Variants in KIAA0753 observed in about 807,000 individuals in gnomAD.
KIAA0753 encodes the protein KIAA0753.
In KIAA0753, 114 loss-of-function variants were observed where a neutral mutation model predicts 116.9. The observed-to-expected ratio is 0.98, with a 90% CI of 0.84 to 1.14. KIAA0753 has a LOEUF of 1.14. Ranked by LOEUF, KIAA0753 falls within the 50% of genes most tolerant of loss-of-function variation. The pLI, the probability that KIAA0753 is intolerant of heterozygous loss-of-function variation, is 0.00. For missense variants in KIAA0753, 1,156 were observed against 1,172.4 expected (o/e 0.99, Z 0.20); for synonymous variants, 405 against 413.1 (o/e 0.98, Z 0.24).
At chr17:6,596,807 C>T (rs180759151) in intron 14 of KIAA0753, among the ~76,000 whole-genome samples, 11 of 152,324 alleles carry the variant, frequency 7.2e-5, no homozygotes, top group Non-Finnish European at 1.3e-4. Context: ...TACCTATCAT[C>T]TGGGAGAGCT....
At chr17:6,596,896 T>C (rs1969525127) in intron 14 of KIAA0753, among the ~76,000 whole-genome samples, 1 of 152,254 alleles carries the variant, frequency 6.6e-6, no homozygotes, top group Admixed American at 6.5e-5. Context: ...ACATGCTCTG[T>C]ATTTCTCTTG....
intron 2 of KIAA0753, among the ~76,000 whole-genome samples, chr17:6,631,480 T>C (rs1362498165): frequency 6.6e-6 from 1 of 152,136 alleles, no homozygotes; most frequent in Non-Finnish European, 1.5e-5. Flanking sequence ...TGGAAATATG[T>C]AGTGTTGGAT....
chr17:6,624,536 C>CACACACACA (rs1971530883), intron 4 of KIAA0753, among the ~76,000 whole-genome samples: 2 of 143,910 alleles, frequency 1.4e-5, no homozygotes, highest in African/African-American at 2.6e-5. Context: ...GAGTTTGGCG[C>CACACACACA]CACACACACA....
chr17:6,593,678 A>C (rs1459993795), intron 16 of KIAA0753, among the ~76,000 whole-genome samples: 1 of 152,270 alleles, frequency 6.6e-6, no homozygotes, highest in African/African-American at 2.4e-5. Context: ...ACCTGAAGGC[A>C]ACATGGCGAA....
intron 2 of KIAA0753, among the ~76,000 whole-genome samples, chr17:6,633,481 T>C (rs1333023044): frequency 6.6e-6 from 1 of 152,148 alleles, no homozygotes; most frequent in African/African-American, 2.4e-5. Context: ...GGTCCAATGG[T>C]TTGTTATAAA....
chr17:6,626,552 C>T (rs1317979823), intron 3 of KIAA0753, among the ~76,000 whole-genome samples: 1 of 151,980 alleles, frequency 6.6e-6, no homozygotes, highest in East Asian at 1.9e-4. Flanking sequence ...TGAAGGCTCA[C>T]TGCAGATGAT....
intron 18 of KIAA0753, among the ~76,000 whole-genome samples, chr17:6,586,119 A>G (rs1968558062): frequency 6.6e-6 from 1 of 151,928 alleles, no homozygotes; most frequent in Admixed American, 6.6e-5. Flanking sequence ...AGTGTGTGGC[A>G]TTCTCCCCCA....
intron 14 of KIAA0753, 131 bp from the exon 15 acceptor site, chr17:6,596,474 G>A: frequency 6.0e-6 from 4 of 671,750 alleles, no homozygotes; most frequent in Non-Finnish European, 9.9e-6. Flanking sequence ...GATCCAAATG[G>A]CAGAGTTTCT....
intron 3 of KIAA0753, among the ~76,000 whole-genome samples, chr17:6,627,224 C>T (rs1971725943): frequency 6.6e-6 from 1 of 152,178 alleles, no homozygotes; most frequent in Non-Finnish European, 1.5e-5. Context: ...AAATCTGTGA[C>T]TCATCCCTAG....
chr17:6,613,904 T>C lies in KIAA0753; in HGVS notation c.1316-1756A>G, dbSNP rs113279839. On this transcript the variant is annotated intron_variant, in intron 7 of 18. Transcript: ENST00000361413. ...ACAACTTCCATTTGACAAAAAGATA[T>C]CCTTAAAGTCAATAGACAAGCCAAA... is the stretch of plus-strand genomic sequence containing the variant. Among the ~76,000 whole-genome samples, 23 of 152,270 alleles carry C rather than the reference T, an allele frequency of 1.5e-4. 1 individual carries two copies. Among genetic ancestry groups the C allele is most frequent in the African/African-American group, 5.5e-4 (23 of 41,562 alleles).
intron 2 of KIAA0753, among the ~76,000 whole-genome samples, chr17:6,629,110 T>C (rs1054787569): frequency 2.0e-5 from 3 of 152,214 alleles, no homozygotes; most frequent in African/African-American, 4.8e-5. Flanking sequence ...ATATAACCCA[T>C]TGAAGCTTTC....
At chr17:6,630,308 A>C (rs933632380) in intron 2 of KIAA0753, among the ~76,000 whole-genome samples, 3 of 152,070 alleles carry the variant, frequency 2.0e-5, no homozygotes, top group African/African-American at 7.2e-5. Flanking sequence ...GATTAGCAAA[A>C]ATTTAAAAGT....
chr17:6,607,607 T>G (rs939038844), intron 10 of KIAA0753, among the ~76,000 whole-genome samples: 2 of 152,216 alleles, frequency 1.3e-5, no homozygotes, highest in Admixed American at 6.5e-5. Context: ...AGGAGCCATA[T>G]AGGCATGGTG....
chr17:6,633,827 G>A (rs1972146660), intron 2 of KIAA0753, among the ~76,000 whole-genome samples: 1 of 152,142 alleles, frequency 6.6e-6, no homozygotes, highest in South Asian at 2.1e-4. Flanking sequence ...TTCTAGATCA[G>A]GGAAAACTAA....
intron 3 of KIAA0753, among the ~76,000 whole-genome samples, chr17:6,627,043 A>G (rs940474180): frequency 6.6e-6 from 1 of 152,228 alleles, no homozygotes; most frequent in Admixed American, 6.5e-5. Context: ...ATTGTTCATG[A>G]TATTATACAA....
At chr17:6,602,901 C>T (rs1969968957) in intron 12 of KIAA0753, among the ~76,000 whole-genome samples, 7 of 151,936 alleles carry the variant, frequency 4.6e-5, no homozygotes. Flanking sequence ...TACTAGGTAT[C>T]TGAGGAAGGA....
chr17:6,607,335 A>C, intron 10 of KIAA0753, 65 bp from the exon 11 acceptor site: 1 of 1,318,844 alleles, frequency 7.6e-7, no homozygotes, highest in Admixed American at 1.7e-5. Flanking sequence ...ATCATCACAG[A>C]AACAGACCAG....
chr17:6,625,363 T>C (rs1346409859), intron 3 of KIAA0753, among the ~76,000 whole-genome samples: 2 of 152,100 alleles, frequency 1.3e-5, no homozygotes, highest in African/African-American at 2.4e-5. Context: ...TAATCAAATG[T>C]TGAATTCAAA....
At chr17:6,590,971 T>A (rs1012427387) in intron 16 of KIAA0753, among the ~76,000 whole-genome samples, 1 of 138,664 alleles carries the variant, frequency 7.2e-6, no homozygotes, top group Non-Finnish European at 1.5e-5. Context: ...AACCTTTAAA[T>A]GCGAAGAAGA....
Sources: gnomAD v4.1 joint callset for allele counts (sites outside exome capture counted in the v4.1 genomes callset) on GRCh38, gnomAD v4.1.1 for gene constraint, MANE v1.5 for transcripts, NCBI Gene and HGNC (gene_info 2026-07-23, HGNC 2026-07-21) for gene names.